Variants in COL10A1 observed in about 807,000 individuals in gnomAD.
The protein encoded by COL10A1 is collagen type X alpha 1 chain, also known as collagen alpha-1(X) chain.
COL10A1 carries 10 observed loss-of-function variants against 18.2 expected under a neutral mutation model. That is an observed-to-expected ratio of 0.55 (90% confidence interval 0.34 to 0.93). The LOEUF is 0.93. Among genes scored for constraint, COL10A1 ranks in the 40% least tolerant of loss-of-function variants. The pLI is 0.02. For synonymous variants in COL10A1, 330 were observed against 316.6 expected (o/e 1.04, Z -0.45); for missense variants, 897 against 853.5 (o/e 1.05, Z -0.64).
the COL10A1 span, among the ~76,000 whole-genome samples, chr6:116,187,682 C>G: frequency 1.3e-5 from 2 of 152,084 alleles, no homozygotes; most frequent in East Asian, 1.9e-4. Flanking sequence ...AACTTGATCC[C>G]TACTCACATA....
chr6:116,204,298 T>C, the COL10A1 span, among the ~76,000 whole-genome samples: 82 of 152,126 alleles, frequency 5.4e-4, 2 homozygotes, highest in South Asian at 0.016. Context: ...TTTTTGGTAA[T>C]TACTTCATTC....
chr6:116,147,933 C>T (rs1263664793), intron 1 of COL10A1, among the ~76,000 whole-genome samples: 2 of 151,398 alleles, frequency 1.3e-5, no homozygotes, highest in African/African-American at 4.9e-5. Context: ...TTGCAGGGAG[C>T]TGAGATCGCG....
the COL10A1 span, among the ~76,000 whole-genome samples, chr6:116,176,495 A>G: frequency 1.3e-5 from 2 of 152,138 alleles, no homozygotes; most frequent in Non-Finnish European, 2.9e-5. Flanking sequence ...TACTGCCTTT[A>G]CTTGCAGCTG....
At chr6:116,130,895 G>A (rs565287810), upstream of COL10A1, among the ~76,000 whole-genome samples, 21 of 151,908 alleles carry the variant, frequency 1.4e-4, no homozygotes, top group African/African-American at 2.4e-4. Context: ...AATATAAGCC[G>A]TTTGATTATG....
chr6:116,198,840 C>T, the COL10A1 span, among the ~76,000 whole-genome samples: 1 of 151,978 alleles, frequency 6.6e-6, no homozygotes, highest in African/African-American at 2.4e-5. Context: ...CTCATGAGGT[C>T]ACAGAATGAG....
At chr6:116,183,222 C>T in the COL10A1 span, among the ~76,000 whole-genome samples, 2 of 152,158 alleles carry the variant, frequency 1.3e-5, no homozygotes, top group South Asian at 4.1e-4. Flanking sequence ...TATTCTGTTC[C>T]ATTGGTCTGT....
At chr6:116,181,939 T>A in the COL10A1 span, among the ~76,000 whole-genome samples, 1 of 152,212 alleles carries the variant, frequency 6.6e-6, no homozygotes, top group South Asian at 2.1e-4. Flanking sequence ...AGTTCTTTGG[T>A]GGTGATTTCT....
intron 1 of COL10A1, 40 bp from the exon 2 acceptor site, chr6:116,125,547 T>C: frequency 1.3e-6 from 2 of 1,580,060 alleles, no homozygotes; most frequent in Non-Finnish European, 1.7e-6. Context: ...AGCATTGTTA[T>C]TAACCTATTT....
the COL10A1 span, among the ~76,000 whole-genome samples, chr6:116,182,838 T>C: frequency 2.6e-5 from 4 of 152,142 alleles, no homozygotes; most frequent in Non-Finnish European, 4.4e-5. Flanking sequence ...CTCTGTGGGT[T>C]GTCTGTTTAC....
chr6:116,177,949 A>G, the COL10A1 span, among the ~76,000 whole-genome samples: 3,682 of 152,182 alleles, frequency 0.024, 138 homozygotes, highest in African/African-American at 0.083. Flanking sequence ...GATTAGTTTC[A>G]TAGTATAAAA....
At chr6:116,190,278 A>G in the COL10A1 span, among the ~76,000 whole-genome samples, 1 of 151,962 alleles carries the variant, frequency 6.6e-6, no homozygotes, top group African/African-American at 2.4e-5. Context: ...TTTTTCTTTT[A>G]TCAATATATG....
the COL10A1 span, among the ~76,000 whole-genome samples, chr6:116,208,134 A>G: frequency 1.6e-3 from 242 of 152,058 alleles, 1 homozygote; most frequent in South Asian, 0.012. Context: ...TATGATTTCT[A>G]TGTTCCTGTT....
At chr6:116,153,886 A>C (rs1299320950) in intron 1 of COL10A1, among the ~76,000 whole-genome samples, 1 of 152,200 alleles carries the variant, frequency 6.6e-6, no homozygotes, top group Non-Finnish European at 1.5e-5. Flanking sequence ...CAAAATAAGC[A>C]TCAAAAGGAA....
the COL10A1 span, among the ~76,000 whole-genome samples, chr6:116,215,591 T>A: frequency 1.1e-3 from 165 of 152,296 alleles, no homozygotes; most frequent in African/African-American, 3.7e-3. Context: ...GGATTTGTTA[T>A]ATTTTGAATA....
chr6:116,120,076 C>G lies in COL10A1; in HGVS notation c.2040G>C (p.Met680Ile), dbSNP rs200235459. Residue 680 changes from methionine (M) to isoleucine (I), a missense_variant, in exon 3 of 3, where the codon ATG becomes ATC. By Grantham distance (10) the Met-to-Ile change is conservative. Coordinates refer to ENST00000651968, the MANE Select transcript of COL10A1 (RefSeq NM_000493.4). ...TTTAGATTAGCTCTGTGTGTACTCA[C>G]ATTGGAGCCACTAGGAATCCTGAGA... ...SSFSGFLVAP[M>I] 1.8e-4 allele frequency: 293 copies of G among 1,613,064 alleles called. No individual in the cohort carries two copies. In the East Asian group the frequency reaches 6.4e-3, roughly 35 times the overall value.
rs1466426174 is a variant in COL10A1, at chr6:116,121,570, A to G, written c.546T>C (p.Pro182=). The G allele has an allele frequency of 6.2e-7, 1 of 1,613,808 alleles. No homozygotes were observed. ...TTTCCCCTTTCTGTCCATTCATACC[A>G]GGGACTCCTGGTGCACCCTTTTCTC... The part of the protein sequence containing the change: ...FPGEKGAPGV[P]GMNGQKGEMG... The change falls in exon 3 of 3, where the codon CCT becomes CCC. Residue 182 remains proline, a synonymous_variant. Transcript: ENST00000651968.
chr6:116,139,756 T>A (rs1168964016), intron 1 of COL10A1, among the ~76,000 whole-genome samples: 1 of 152,090 alleles, frequency 6.6e-6, no homozygotes, highest in African/African-American at 2.4e-5. Flanking sequence ...AATTTGACAG[T>A]TTTTTGCTTA....
In COL10A1 at chr6:116,121,399, A is replaced by G; in HGVS notation, c.717T>C (p.Phe239=). 2 of 1,613,806 alleles carry G rather than the reference A, an allele frequency of 1.2e-6. No homozygotes were observed. Among genetic ancestry groups the G allele is most frequent in the Non-Finnish European group, 1.7e-6 (2 of 1,179,918 alleles). The change falls in exon 3 of 3, where the codon TTT becomes TTC. Residue 239 remains phenylalanine, a synonymous_variant. Transcript: ENST00000651968. ...GQPGIKGDRG[F]PGEMGPIGPP... ...GGCCAATTGGTCCCATTTCTCCCGG[A>G]AAACCTCTATCACCTTTGATGCCTG...
chr6:116,173,595 G>A, the COL10A1 span, among the ~76,000 whole-genome samples: 1 of 152,266 alleles, frequency 6.6e-6, no homozygotes, highest in African/African-American at 2.4e-5. Flanking sequence ...AGGAGCTGTG[G>A]ACTGTGGTAA....
Sources: gnomAD v4.1 joint callset for allele counts (sites outside exome capture counted in the v4.1 genomes callset) on GRCh38, gnomAD v4.1.1 for gene constraint, MANE v1.5 for transcripts, NCBI Gene and HGNC (gene_info 2026-07-23, HGNC 2026-07-21) for gene names.